Variants in PCBP3 observed in about 807,000 individuals in gnomAD.
PCBP3 encodes poly(rC) binding protein 3, also known as poly(rC)-binding protein 3.
A neutral mutation model predicts 52.7 loss-of-function variants in PCBP3; 25 were observed. The observed-to-expected ratio is 0.47, with a 90% CI of 0.35 to 0.66. The LOEUF (loss-of-function observed/expected upper bound fraction) is 0.66, where lower values mean the gene tolerates loss of function less well. Among genes scored for constraint, PCBP3 ranks in the 30% least tolerant of loss-of-function variants. The pLI, the probability that PCBP3 is intolerant of heterozygous loss-of-function variation, is 0.01. For missense variants in PCBP3, 391 were observed against 490.3 expected, an observed-to-expected ratio of 0.80 and a Z score of 1.91; for synonymous variants, 162 against 183.0, an observed-to-expected ratio of 0.89 and a Z score of 0.93.
At chr21:45,651,676 G>C (rs945232929) in intron 1 of PCBP3, among the ~76,000 whole-genome samples, 16 of 152,266 alleles carry the variant, frequency 1.1e-4, no homozygotes, top group African/African-American at 3.6e-4. Flanking sequence ...TACTCATCAT[G>C]ATAAATAATG....
intron 5 of PCBP3, among the ~76,000 whole-genome samples, chr21:45,883,098 T>C (rs1053644204): frequency 1.3e-5 from 2 of 152,390 alleles, no homozygotes; most frequent in African/African-American, 2.4e-5. Context: ...GCTGTGTTTT[T>C]ATTTTCATTC....
intron 5 of PCBP3, among the ~76,000 whole-genome samples, chr21:45,878,493 G>A (rs11911528): frequency 0.017 from 2,611 of 152,322 alleles, 88 homozygotes; most frequent in African/African-American, 0.059. Flanking sequence ...CCCTCTCTAC[G>A]TCTGGGTCTG....
chr21:45,694,540 G>A (rs1350126377), intron 2 of PCBP3, among the ~76,000 whole-genome samples: 1 of 152,180 alleles, frequency 6.6e-6, no homozygotes, highest in East Asian at 1.9e-4. Context: ...GAATAGGCAT[G>A]CATCTAATAT....
At chr21:45,939,890 TC>T (rs2149602865) in intron 16 of PCBP3, 139 bp from the exon 17 acceptor site, 1 of 719,734 alleles carries the variant, frequency 1.4e-6, no homozygotes, top group Non-Finnish European at 2.3e-6. Flanking sequence ...GCGGGGCCTC[TC>T]CGGGGTGTTG....
At chr21:45,924,047 A>C (rs71324458) in intron 13 of PCBP3, among the ~76,000 whole-genome samples, 234 of 52,286 alleles carry the variant, frequency 4.5e-3, no homozygotes, top group Middle Eastern at 0.015. Flanking sequence ...GGAACAGTCG[A>C]GTGGGTAGAA....
intron 13 of PCBP3, among the ~76,000 whole-genome samples, chr21:45,922,888 G>C (rs2074647625): frequency 6.6e-6 from 1 of 152,264 alleles, no homozygotes; most frequent in Admixed American, 6.5e-5. Context: ...TGGCAGATGT[G>C]CAGCAACGCT....
chr21:45,737,085 G>A lies in PCBP3; in HGVS notation c.-162+1656G>A, dbSNP rs1456639139. Among the ~76,000 whole-genome samples the A allele has an allele frequency of 6.6e-6, 1 of 152,136 alleles. No homozygotes were observed. The highest frequency in any genetic ancestry group is 1.5e-5 in the Non-Finnish European group (1 of 68,012). Reference sequence around the variant, plus strand: ...CTGACATGCCTGGTGCATCCATGGGGCAGTGAGGAGGCTGCGGGGCAGGAG... The same window carrying A: ...CTGACATGCCTGGTGCATCCATGGGACAGTGAGGAGGCTGCGGGGCAGGAG... On this transcript the variant is annotated intron_variant, in intron 3 of 17. Coordinates refer to ENST00000681687, the MANE Select transcript of PCBP3 (RefSeq NM_001384156.1). This position sits in a 1 kb window ranked among gnomAD's most constrained non-coding sequence, Gnocchi z 4.9.
At chr21:45,787,434 G>A (rs2091241334) in intron 4 of PCBP3, among the ~76,000 whole-genome samples, 2 of 151,306 alleles carry the variant, frequency 1.3e-5, no homozygotes, top group South Asian at 2.1e-4. Flanking sequence ...TTTAAATAGA[G>A]ACTAGGTCTC....
At position 45,791,439 on chromosome 21, in the gene PCBP3, AGAGT is replaced by A. The variant is rs2091556089; in HGVS notation, c.-126+35991_-126+35994del. 6.6e-6 allele frequency among the ~76,000 whole-genome samples: 1 copy of A among 152,086 alleles called. No homozygotes were observed. The highest frequency in any genetic ancestry group is 2.1e-4 in the South Asian group (1 of 4,826). On this transcript the variant is annotated intron_variant, in intron 4 of 17. Transcript: ENST00000681687. This position sits in a 1 kb window ranked among gnomAD's most constrained non-coding sequence, Gnocchi z 4.2. ...CAGAGTCTAGGCACGGAATTGACAG[AGAGT>A]GAGACTTTAATAGGGTGTGGCTTTT... is the stretch of plus-strand genomic sequence containing the variant.
chr21:45,809,926 AG>A (rs2092632247), intron 4 of PCBP3, among the ~76,000 whole-genome samples: 1 of 152,230 alleles, frequency 6.6e-6, no homozygotes, highest in South Asian at 2.1e-4. Flanking sequence ...TACTTGGCCA[AG>A]GGGTTTTGCA....
chr21:45,908,732 T>TC (rs1008996390), intron 9 of PCBP3, among the ~76,000 whole-genome samples: 2 of 152,116 alleles, frequency 1.3e-5, no homozygotes, highest in African/African-American at 4.8e-5. Context: ...AGAAGCCCTG[T>TC]CCCCCACGGG....
At chr21:45,713,783 G>C (rs1203112262) in intron 2 of PCBP3, among the ~76,000 whole-genome samples, 1 of 152,258 alleles carries the variant, frequency 6.6e-6, no homozygotes, top group Non-Finnish European at 1.5e-5. Context: ...AGCCATGTGA[G>C]TCTGCTTCAT....
At chr21:45,682,780 G>A (rs910539397) in intron 2 of PCBP3, among the ~76,000 whole-genome samples, 2 of 152,122 alleles carry the variant, frequency 1.3e-5, no homozygotes, top group Admixed American at 6.5e-5. Flanking sequence ...TTTTTCAAAT[G>A]GGAAGTGAAA....
At chr21:45,678,311 A>T (rs2081595328) in intron 2 of PCBP3, among the ~76,000 whole-genome samples, 1 of 151,552 alleles carries the variant, frequency 6.6e-6, no homozygotes, top group Admixed American at 6.6e-5. Context: ...ATCTCAAAAA[A>T]AAAAAAAAAT....
At chr21:45,678,314 A>AT (rs1218314681) in intron 2 of PCBP3, among the ~76,000 whole-genome samples, 3 of 151,646 alleles carry the variant, frequency 2.0e-5, no homozygotes, top group South Asian at 4.1e-4. Context: ...TCAAAAAAAA[A>AT]AAAAAATAAT....
At chr21:45,888,001 C>T (rs1159223046) in intron 5 of PCBP3, among the ~76,000 whole-genome samples, 1 of 152,220 alleles carries the variant, frequency 6.6e-6, no homozygotes, top group East Asian at 1.9e-4. Flanking sequence ...GGCCCTGCAT[C>T]GCTGCTGACC....
intron 5 of PCBP3, among the ~76,000 whole-genome samples, chr21:45,888,515 A>G (rs946644171): frequency 6.6e-6 from 1 of 152,104 alleles, no homozygotes; most frequent in African/African-American, 2.4e-5. Flanking sequence ...AGCCGGGGCC[A>G]CCCACACGCC....
At chr21:45,835,533 G>T (rs1478101155) in intron 4 of PCBP3, among the ~76,000 whole-genome samples, 2 of 152,232 alleles carry the variant, frequency 1.3e-5, no homozygotes, top group Non-Finnish European at 1.5e-5. Context: ...CATCTGAGAG[G>T]TCAGAGAGGC....
chr21:45,901,766 G>GAC (rs71318015), intron 9 of PCBP3, among the ~76,000 whole-genome samples: 19 of 124,468 alleles, frequency 1.5e-4, no homozygotes, highest in South Asian at 2.3e-4. Flanking sequence ...CAGAGACAGA[G>GAC]AGAGAGCGAG....
Sources: gnomAD v4.1 joint callset for allele counts (sites outside exome capture counted in the v4.1 genomes callset) on GRCh38, gnomAD v4.1.1 for gene constraint, Gnocchi (gnomAD v3.1) non-coding constraint, MANE v1.5 for transcripts, NCBI Gene and HGNC (gene_info 2026-07-23, HGNC 2026-07-21) for gene names.